RBFOX3: variants seen among roughly 807,000 people sequenced by gnomAD.
The protein encoded by RBFOX3 is RNA binding fox-1 homolog 3.
In RBFOX3, 17 loss-of-function variants were observed where a neutral mutation model predicts 48.7. The ratio of observed to expected loss-of-function variants is 0.35; its 90% confidence interval spans 0.24 to 0.52. The LOEUF (loss-of-function observed/expected upper bound fraction) is 0.52. RBFOX3 is among the 20% of genes least tolerant of loss of function. RBFOX3 has a pLI of 0.94. For synonymous variants in RBFOX3, 212 were observed against 209.5 expected (o/e 1.01, Z -0.10); for missense variants, 382 against 497.5 (o/e 0.77, Z 2.21).
intron 3 of RBFOX3, among the ~76,000 whole-genome samples, chr17:79,250,230 T>C (rs1432980118): frequency 1.3e-5 from 2 of 152,212 alleles, no homozygotes; most frequent in Non-Finnish European, 2.9e-5. Context: ...ATCACACCCA[T>C]GTCCCGGTGA....
At position 79,204,037 on chromosome 17, in the gene RBFOX3, G is replaced by A. The variant is rs185343275; in HGVS notation, c.-34+31729C>T. Among the ~76,000 whole-genome samples, 80 of 152,216 alleles carry A rather than the reference G, an allele frequency of 5.3e-4. No individual in the cohort carries two copies. Among genetic ancestry groups the A allele is most frequent in the Admixed American group, 5.2e-3 (80 of 15,304 alleles). On this transcript the variant is annotated intron_variant, in intron 4 of 14. Coordinates refer to ENST00000693108, the MANE Select transcript of RBFOX3 (RefSeq NM_001350451.2). This position sits in a 1 kb window ranked among gnomAD's most constrained non-coding sequence, Gnocchi z 4.5. Reference sequence around the variant, plus strand: ...GGTGGAAGTGGCCCCTTCCATCTTTGCTAAGAGAAAGCAGACTTTTCTCAC... The same window carrying A: ...GGTGGAAGTGGCCCCTTCCATCTTTACTAAGAGAAAGCAGACTTTTCTCAC...
Position 79,311,005 on chromosome 17 carries a change from T to C in RBFOX3, c.-174-3181A>G, listed in dbSNP as rs2076776619. Among the ~76,000 whole-genome samples, 1 of 152,134 alleles carries C rather than the reference T, an allele frequency of 6.6e-6. No individual in the cohort carries two copies. The highest frequency in any genetic ancestry group is 2.1e-4 in the South Asian group (1 of 4,818). On this transcript the variant is annotated intron_variant, in intron 2 of 14. Coordinates refer to ENST00000693108, the MANE Select transcript of RBFOX3 (RefSeq NM_001350451.2). This position sits in a 1 kb window ranked among gnomAD's most constrained non-coding sequence, Gnocchi z 4.2. The stretch of plus-strand genomic sequence containing the variant: ...GTGGCTAATGCCTAAAATGAATTGA[T>C]TTCAGCACAGGATATGGCCTTTCTT...
intron 2 of RBFOX3, among the ~76,000 whole-genome samples, chr17:79,463,526 G>A (rs1466542119): frequency 5.9e-4 from 30 of 50,602 alleles, no homozygotes; most frequent in African/African-American, 2.0e-3. Flanking sequence ...CTCCACCATC[G>A]CCACTGCCAC....
intron 4 of RBFOX3, among the ~76,000 whole-genome samples, chr17:79,191,888 G>A (rs2054596618): frequency 6.6e-6 from 1 of 152,146 alleles, no homozygotes; most frequent in Non-Finnish European, 1.5e-5. Flanking sequence ...CTTCCCTCCC[G>A]GCAGCCTAAG....
chr17:79,144,749 G>T (rs984972545), intron 4 of RBFOX3, among the ~76,000 whole-genome samples: 1 of 152,290 alleles, frequency 6.6e-6, no homozygotes, highest in East Asian at 1.9e-4. Context: ...CTAAACTGAG[G>T]ACTAGGTGCC....
At chr17:79,395,235 G>A (rs1463106915) in intron 2 of RBFOX3, among the ~76,000 whole-genome samples, 4 of 152,182 alleles carry the variant, frequency 2.6e-5, no homozygotes, top group South Asian at 2.1e-4. Context: ...AATGTGTGGC[G>A]GCCTCTGTGG....
At chr17:79,436,298 AG>A (rs1187053068) in intron 2 of RBFOX3, among the ~76,000 whole-genome samples, 1 of 152,248 alleles carries the variant, frequency 6.6e-6, no homozygotes, top group Admixed American at 6.5e-5. Flanking sequence ...AGACCAGGGC[AG>A]GGGAAGGTCA....
chr17:79,308,507 G>C (rs939293624), intron 2 of RBFOX3, among the ~76,000 whole-genome samples: 4 of 152,160 alleles, frequency 2.6e-5, no homozygotes, highest in African/African-American at 9.7e-5. Flanking sequence ...AACGTCAAGG[G>C]GGCACCTGGC....
rs1440270883 is a variant in RBFOX3 at position 79,418,237 on chromosome 17, C to T, written c.-175+64217G>A. On this transcript the variant is annotated intron_variant, in intron 2 of 14. Coordinates refer to ENST00000693108, the MANE Select transcript of RBFOX3 (RefSeq NM_001350451.2). The surrounding 1 kb of genome is among the most constrained non-coding windows in gnomAD (Gnocchi z 5.0). ...TTATGTTATGCATATTTTACCACAA[C>T]GACAAAAAGTTTTTTCCAATCGCAG... 7.9e-5 allele frequency among the ~76,000 whole-genome samples: 12 copies of T among 152,168 alleles called. No homozygotes were observed. In the East Asian group the frequency reaches 9.6e-4, roughly 12 times the overall value.
intron 2 of RBFOX3, among the ~76,000 whole-genome samples, chr17:79,339,463 G>A (rs1371962340): frequency 6.6e-6 from 1 of 152,206 alleles, no homozygotes; most frequent in Non-Finnish European, 1.5e-5. Context: ...TCACCCACGA[G>A]CTCAGTAGAA....
At chr17:79,378,845 T>C (rs1485613131) in intron 2 of RBFOX3, among the ~76,000 whole-genome samples, 2 of 152,218 alleles carry the variant, frequency 1.3e-5, no homozygotes, top group Non-Finnish European at 2.9e-5. Context: ...GCAGGGAACA[T>C]GGATCCTGCT....
At chr17:79,484,376 G>A (rs1211417080) in intron 1 of RBFOX3, among the ~76,000 whole-genome samples, 2 of 152,174 alleles carry the variant, frequency 1.3e-5, no homozygotes, top group African/African-American at 4.8e-5. Flanking sequence ...CCCACTGCTG[G>A]GTGTGGGAGC....
chr17:79,180,667 A>G (rs1024010560), intron 4 of RBFOX3, among the ~76,000 whole-genome samples: 3 of 151,498 alleles, frequency 2.0e-5, no homozygotes, highest in Admixed American at 6.6e-5. Context: ...AAATGTCGTT[A>G]TTTGTTTCTT....
In RBFOX3 at chr17:79,479,893, T is replaced by G. The variant is rs1419530853; in HGVS notation, c.-175+2561A>C. Reference sequence around the variant, plus strand: ...CCTAGGGACAGAGCTGCACGCATCTTCTTGGAACTAGGCGTCTGAGGTTCC... The same window carrying G: ...CCTAGGGACAGAGCTGCACGCATCTGCTTGGAACTAGGCGTCTGAGGTTCC... On this transcript the variant is annotated intron_variant, in intron 2 of 14. Transcript: ENST00000693108. This position sits in a 1 kb window ranked among gnomAD's most constrained non-coding sequence, Gnocchi z 5.1. Among the ~76,000 whole-genome samples, 1 of 152,168 alleles carries G rather than the reference T, an allele frequency of 6.6e-6. No individual in the cohort carries two copies. Among genetic ancestry groups the G allele is most frequent in the Non-Finnish European group, 1.5e-5 (1 of 68,010 alleles).
intron 1 of RBFOX3, among the ~76,000 whole-genome samples, chr17:79,517,031 G>A (rs1187319381): frequency 2.6e-5 from 4 of 152,102 alleles, no homozygotes; most frequent in Non-Finnish European, 4.4e-5. Flanking sequence ...AGATGAGAAC[G>A]TTCTGGAGGT....
intron 4 of RBFOX3, among the ~76,000 whole-genome samples, chr17:79,145,561 A>AG (rs2042857845): frequency 6.6e-6 from 1 of 152,158 alleles, no homozygotes. Flanking sequence ...CGGCTCTGAG[A>AG]GGGGGCCCCG....
chr17:79,303,164 C>T (rs2075581950), intron 3 of RBFOX3, among the ~76,000 whole-genome samples: 1 of 152,312 alleles, frequency 6.6e-6, no homozygotes, highest in East Asian at 1.9e-4. Flanking sequence ...GCCTTAATCA[C>T]ACCACCGTAC....
chr17:79,475,063 C>T (rs1050836752), intron 2 of RBFOX3, among the ~76,000 whole-genome samples: 2 of 152,186 alleles, frequency 1.3e-5, no homozygotes, highest in Non-Finnish European at 2.9e-5. Context: ...AAACTTGCAG[C>T]ACGAACTGTT....
At chr17:79,476,747 G>C (rs1214178198) in intron 2 of RBFOX3, among the ~76,000 whole-genome samples, 1 of 152,200 alleles carries the variant, frequency 6.6e-6, no homozygotes, top group Non-Finnish European at 1.5e-5. Flanking sequence ...CAGGGTGGCA[G>C]AATTAGGGGG....
Sources: allele counts gnomAD v4.1 joint callset (sites outside exome capture counted in the v4.1 genomes callset), GRCh38; gene constraint gnomAD v4.1.1; non-coding constraint Gnocchi (gnomAD v3.1); transcripts MANE v1.5; gene names NCBI Gene and HGNC (gene_info 2026-07-23, HGNC 2026-07-21).